Variants in EPHA6 observed in about 807,000 individuals in gnomAD.
EPHA6 encodes the protein EPH receptor A6.
EPHA6 carries 50 observed loss-of-function variants against 112.0 expected under a neutral mutation model. The ratio of observed to expected loss-of-function variants is 0.45; its 90% CI spans 0.36 to 0.56. The LOEUF is 0.56. Among genes scored for constraint, EPHA6 ranks in the 20% least tolerant of loss-of-function variants. The pLI, the probability that EPHA6 is intolerant of heterozygous loss-of-function variation, is 0.00. For synonymous variants in EPHA6, 529 were observed against 490.7 expected (o/e 1.08, Z -1.03); for missense variants, 1,280 against 1,417.4 (o/e 0.90, Z 1.56).
At chr3:97,575,837 G>T (rs1431912606) in intron 11 of EPHA6, among the ~76,000 whole-genome samples, 1 of 152,094 alleles carries the variant, frequency 6.6e-6, no homozygotes, top group Non-Finnish European at 1.5e-5. Flanking sequence ...ATAATCCAGA[G>T]TAAAAAATAT....
chr3:97,504,666 G>T (rs1401434982), intron 10 of EPHA6, among the ~76,000 whole-genome samples: 1 of 152,010 alleles, frequency 6.6e-6, no homozygotes, highest in Non-Finnish European at 1.5e-5. Context: ...TTCAACTGAG[G>T]ACCCACCTAA....
In EPHA6 at chr3:97,749,256, T is replaced by C. The variant is rs925846575; in HGVS notation, c.*555T>C. ...TTTGCAGAAATGACCAGTGATATCA[T>C]GTAATGAATTTTTGTGAGGTATGAC... On this transcript the variant is annotated 3_prime_UTR_variant, in exon 18 of 18. Transcript: ENST00000389672. 2 of 216,522 alleles carry C rather than the reference T, an allele frequency of 9.2e-6. No individual in the cohort carries two copies. Among genetic ancestry groups the C allele is most frequent in the African/African-American group, 2.2e-5 (1 of 44,458 alleles). The allele number at this position is 216,522 out of a possible 1,614,324, so 13.4% of individuals were successfully genotyped here. A position where few individuals can be genotyped will look rare whatever the true frequency, so the allele number is the denominator to read the frequency against.
intron 10 of EPHA6, among the ~76,000 whole-genome samples, chr3:97,485,477 CAG>C (rs1192474933): frequency 2.0e-5 from 3 of 152,124 alleles, no homozygotes; most frequent in African/African-American, 7.2e-5. Flanking sequence ...GGCACATTTG[CAG>C]AGAGTTCTTC....
chr3:97,539,031 C>CTTTCT lies in EPHA6; in HGVS notation c.2386+6490_2386+6494dup, dbSNP rs2092805845. On this transcript the variant is annotated intron_variant, in intron 11 of 17. Transcript: ENST00000389672. Reference sequence around the variant, plus strand: ...TCTTTCTTTCTTTCTTTCTTTCTTTCTTTCTTGCTTTCTTTCTTTCTTTTT... The same window carrying CTTTCT: ...TCTTTCTTTCTTTCTTTCTTTCTTTCTTTCTTTTCTTGCTTTCTTTCTTTCTTTTT... 2.7e-5 allele frequency among the ~76,000 whole-genome samples: 4 copies of CTTTCT among 146,518 alleles called. No homozygotes were observed. In the South Asian group the frequency reaches 8.6e-4, roughly 31 times the overall value.
chr3:97,034,249 GA>G (rs2044995525), intron 3 of EPHA6, among the ~76,000 whole-genome samples: 2 of 151,816 alleles, frequency 1.3e-5, no homozygotes, highest in African/African-American at 4.8e-5. Context: ...ATGTTTCTAT[GA>G]AAAACAGTTT....
intron 11 of EPHA6, among the ~76,000 whole-genome samples, chr3:97,548,209 T>A (rs1291017623): frequency 6.6e-6 from 1 of 152,138 alleles, no homozygotes; most frequent in African/African-American, 2.4e-5. Flanking sequence ...TCTTGGCTCC[T>A]CCTGGGTGTG....
chr3:97,701,554 T>A (rs1246649956), intron 14 of EPHA6, among the ~76,000 whole-genome samples: 1 of 152,064 alleles, frequency 6.6e-6, no homozygotes, highest in African/African-American at 2.4e-5. Flanking sequence ...AAAAATTCTA[T>A]ACTCTCGTAT....
intron 10 of EPHA6, among the ~76,000 whole-genome samples, chr3:97,485,629 T>C (rs13314241): frequency 0.068 from 10,377 of 152,240 alleles, 1,098 homozygotes; most frequent in African/African-American, 0.23. Flanking sequence ...ATCAGAAAGA[T>C]TAAGGACCTG....
intron 2 of EPHA6, among the ~76,000 whole-genome samples, chr3:96,977,238 T>C (rs760609464): frequency 6.6e-6 from 1 of 152,080 alleles, no homozygotes; most frequent in Non-Finnish European, 1.5e-5. Context: ...AACTGCAGGC[T>C]ATTATCTTAA....
rs1331661379 is a variant in EPHA6 at position 97,321,681 on chromosome 3, T to TA, written c.1606+77404dup. Among the ~76,000 whole-genome samples, 784 of 148,500 alleles carry TA rather than the reference T, an allele frequency of 5.3e-3. 15 individuals are homozygous for TA. Among genetic ancestry groups the TA allele is most frequent in the African/African-American group, 0.018 (714 of 40,492 alleles). On this transcript the variant is annotated intron_variant, in intron 5 of 17. Transcript: ENST00000389672. ...TTTTTAAAGTGACATTTACAGTGTG[T>TA]AAAAAAAAAATAAACCAGGGACTTC...
intron 10 of EPHA6, among the ~76,000 whole-genome samples, chr3:97,521,198 C>CTT (rs137956926): frequency 6.4e-5 from 9 of 140,134 alleles, no homozygotes; most frequent in South Asian, 2.3e-4. Context: ...TTATAAATTT[C>CTT]TTTTTTTTTT....
chr3:97,448,630 T>A lies in EPHA6; in HGVS notation c.1794T>A (p.Gly598=), dbSNP rs1274967294. ...AAGCCCCCAGTGTCATCATCACAGG[T>A]CTTAAGCCAGCCACCAAATATGTAT... ...RSKAPSVIIT[G]LKPATKYVFH... Residue 598 remains glycine (G), a synonymous_variant, in exon 7 of 18, where the codon GGT becomes GGA. Transcript: ENST00000389672. 1 of 1,613,366 alleles carries A rather than the reference T, an allele frequency of 6.2e-7. No individual in the cohort carries two copies. Among genetic ancestry groups the A allele is most frequent in the Non-Finnish European group, 8.5e-7 (1 of 1,179,610 alleles).
chr3:96,968,531 C>T (rs533552608), intron 2 of EPHA6, among the ~76,000 whole-genome samples: 1 of 151,590 alleles, frequency 6.6e-6, no homozygotes, highest in African/African-American at 2.4e-5. Flanking sequence ...TGAGAATTAA[C>T]ATTTAATCAT....
chr3:96,998,429 T>C (rs1217655691), intron 3 of EPHA6, among the ~76,000 whole-genome samples: 1 of 151,992 alleles, frequency 6.6e-6, no homozygotes, highest in Non-Finnish European at 1.5e-5. Context: ...GGTAGTTCTT[T>C]TGATAAAGTT....
chr3:96,929,239 A>G (rs1216140614), intron 2 of EPHA6, among the ~76,000 whole-genome samples: 1 of 152,194 alleles, frequency 6.6e-6, no homozygotes, highest in Non-Finnish European at 1.5e-5. Flanking sequence ...TTCTTTTAAG[A>G]TTAGTATTGT....
At chr3:97,727,686 A>G (rs1428754753) in intron 15 of EPHA6, among the ~76,000 whole-genome samples, 1 of 152,068 alleles carries the variant, frequency 6.6e-6, no homozygotes, top group Non-Finnish European at 1.5e-5. Context: ...GAATTTTTAC[A>G]TTTATTTGAA....
At chr3:97,672,454 T>G (rs538184131) in intron 14 of EPHA6, among the ~76,000 whole-genome samples, 4 of 151,346 alleles carry the variant, frequency 2.6e-5, no homozygotes, top group South Asian at 4.2e-4. Context: ...TTGGTGGGAG[T>G]GGGGGGTGGT....
chr3:97,724,320 A>G (rs2034658781), intron 15 of EPHA6, among the ~76,000 whole-genome samples: 2 of 152,138 alleles, frequency 1.3e-5, no homozygotes, highest in Admixed American at 1.3e-4. Context: ...TACTTTAGGG[A>G]AAGGAAATGA....
Position 97,757,424 on chromosome 3 carries a change from A to C in EPHA6, c.*8723A>C, listed in dbSNP as rs2036051991. Among the ~76,000 whole-genome samples the C allele has an allele frequency of 6.6e-6, 1 of 151,784 alleles. No individual in the cohort carries two copies. The highest frequency in any genetic ancestry group is 1.5e-5 in the Non-Finnish European group (1 of 67,710). ...AATGGAACAAGTCATCAAAATTCTT[A>C]ACATTTCCATATTATTAATCCTTTG... On this transcript the variant is annotated 3_prime_UTR_variant, in exon 18 of 18. Transcript: ENST00000389672.
Sources: allele counts gnomAD v4.1 joint callset (sites outside exome capture counted in the v4.1 genomes callset), GRCh38; gene constraint gnomAD v4.1.1; transcripts MANE v1.5; gene names NCBI Gene and HGNC (gene_info 2026-07-23, HGNC 2026-07-21).